The following STAB2 variants were observed in gnomAD, a reference collection of about 807,000 sequenced individuals.
The protein encoded by STAB2 is stabilin-2.
Under a neutral mutation model 338.1 loss-of-function variants are expected in STAB2, and 288 were observed. The ratio of observed to expected loss-of-function variants is 0.85; its 90% CI spans 0.77 to 0.94. The LOEUF is 0.94. Ranked by LOEUF, STAB2 falls within the 40% of genes least tolerant of loss-of-function variation. The pLI, the probability that STAB2 is intolerant of heterozygous loss-of-function variation, is 0.00. For synonymous variants in STAB2, 1,202 were observed against 1,193.3 expected (o/e 1.01, Z -0.15); for missense variants, 3,141 against 3,210.1 (o/e 0.98, Z 0.52).
intron 5 of STAB2, among the ~76,000 whole-genome samples, chr12:103,630,645 A>G (rs928217831): frequency 6.6e-6 from 1 of 152,244 alleles, no homozygotes; most frequent in Non-Finnish European, 1.5e-5. Context: ...TGAGAAAGAC[A>G]GAAGAGAGAA....
At chr12:103,734,056 A>G (rs1027031849) in intron 51 of STAB2, among the ~76,000 whole-genome samples, 13 of 151,346 alleles carry the variant, frequency 8.6e-5, no homozygotes, top group African/African-American at 2.9e-4. Flanking sequence ...GGGAGCAAGC[A>G]CGATCATATG....
intron 52 of STAB2, 143 bp downstream of exon 52, chr12:103,735,723 G>A: frequency 1.5e-6 from 1 of 686,756 alleles, no homozygotes; most frequent in Non-Finnish European, 2.3e-6. Flanking sequence ...TACCTTCAGA[G>A]GTATTTTTCC....
rs770585108 is a variant in STAB2, at chr12:103,704,624, TTGTC to T, written c.3900+14_3900+17del. 4.3e-6 allele frequency: 7 copies of T among 1,613,064 alleles called. No individual in the cohort carries two copies. The Middle Eastern group carries it at 6.6e-4, about 152-fold the overall frequency. Reference sequence around the variant, plus strand: ...CGGAACTAAATCTCTAGTAAGTACTTTGTCTGTTTTGATAAAATAGTTTCCAGAT... The same window carrying T: ...CGGAACTAAATCTCTAGTAAGTACTTTGTTTTGATAAAATAGTTTCCAGAT... On this transcript the variant is annotated intron_variant, in intron 36 of 68. Coordinates refer to ENST00000388887, the MANE Select transcript of STAB2 (RefSeq NM_017564.10).
intron 67 of STAB2, 133 bp downstream of exon 67, chr12:103,762,535 GC>G (rs1314858163): frequency 1.5e-5 from 21 of 1,387,212 alleles, no homozygotes; most frequent in Non-Finnish European, 2.0e-5. Context: ...AGCAGGGGCG[GC>G]CACCCACCCC....
intron 63 of STAB2, among the ~76,000 whole-genome samples, chr12:103,756,967 C>A: frequency 7.1e-6 from 1 of 140,326 alleles, no homozygotes; most frequent in African/African-American, 2.6e-5. Flanking sequence ...CCTACCTTCT[C>A]TGGGCCTCAG....
chr12:103,646,129 C>T (rs778376073), intron 9 of STAB2, among the ~76,000 whole-genome samples: 5 of 152,034 alleles, frequency 3.3e-5, no homozygotes, highest in African/African-American at 7.2e-5. Context: ...GCTGAGATCA[C>T]GCCATTGCAC....
chr12:103,660,342 G>A lies in STAB2; in HGVS notation c.1746G>A (p.Lys582=). 6.2e-7 allele frequency: 1 copy of A among 1,614,200 alleles called. No homozygotes were observed. The highest frequency in any genetic ancestry group is 1.3e-5 in the African/African-American group (1 of 75,054). ...DYLLSPEGSR[K]LLELVRYHIV... ...TGGTTCCTTTGCAGGGATCTCGGAA[G>A]CTTCTGGAACTCGTCAGATACCACA... The change falls in exon 16 of 69, where the codon AAG becomes AAA. Residue 582 remains lysine (K), a synonymous_variant. Transcript: ENST00000388887.
intron 52 of STAB2, 22 bp downstream of exon 52, chr12:103,735,602 G>A (rs763790344): frequency 1.1e-5 from 16 of 1,458,742 alleles, no homozygotes; most frequent in Admixed American, 5.5e-5. Context: ...CATGAAGGGT[G>A]GGCAGGGAGG....
intron 2 of STAB2, among the ~76,000 whole-genome samples, chr12:103,593,398 T>C (rs992112272): frequency 6.6e-6 from 1 of 152,192 alleles, no homozygotes; most frequent in African/African-American, 2.4e-5. Flanking sequence ...ATTGTGGTTT[T>C]GATTTGCCTT....
At position 103,627,262 on chromosome 12, in the gene STAB2, G is replaced by A. The variant is rs186662726; in HGVS notation, c.488-4336G>A. On this transcript the variant is annotated intron_variant, in intron 5 of 68. Transcript: ENST00000388887. ...ATACATTACACACCAGACAGGTGAA[G>A]TGGATCCTAAGAGTGATGAGATTAG... Among the ~76,000 whole-genome samples the A allele has an allele frequency of 2.0e-4, 31 of 152,332 alleles. 1 individual carries two copies. The East Asian group carries it at 4.1e-3, about 20-fold the overall frequency.
chr12:103,607,721 C>G (rs150900041), intron 3 of STAB2, among the ~76,000 whole-genome samples: 2 of 152,108 alleles, frequency 1.3e-5, no homozygotes, highest in East Asian at 3.9e-4. Context: ...TGAACTCATC[C>G]TTTTTTATCG....
In STAB2 at chr12:103,690,417, GT is replaced by G; in HGVS notation, c.3183-4del. On this transcript the variant is annotated splice_region_variant and splice_polypyrimidine_tract_variant and intron_variant, in intron 29 of 68. Coordinates refer to ENST00000388887, the MANE Select transcript of STAB2 (RefSeq NM_017564.10). ...TGAATTATAGCCTTTGTGGACTATT[GT>G]TTCAGGTACCATATGCTACTAGGCA... 6.2e-7 allele frequency: 1 copy of G among 1,608,064 alleles called. No individual in the cohort carries two copies. The highest frequency in any genetic ancestry group is 8.5e-7 in the Non-Finnish European group (1 of 1,175,486).
intron 24 of STAB2, 72 bp downstream of exon 24, chr12:103,676,093 GC>G: frequency 9.5e-7 from 1 of 1,057,462 alleles, no homozygotes; most frequent in South Asian, 1.7e-5. Flanking sequence ...ACAGAGTCTC[GC>G]TCTGTCGCCC....
At position 103,753,223 on chromosome 12, in the gene STAB2, C is replaced by A. The variant is rs1364211074; in HGVS notation, c.6584C>A (p.Thr2195Asn). Reference sequence around the variant, plus strand: ...ATTCCTCCTCTTCCTCATCCAGATACCACTGTTGGGGTGTTCCATCTACGC... The same window carrying A: ...ATTCCTCCTCTTCCTCATCCAGATAACACTGTTGGGGTGTTCCATCTACGC... Reference protein sequence around the residue: ...AKCVDLHFQDTTVGVFHLRSP... With the variant: ...AKCVDLHFQDNTVGVFHLRSP... Residue 2195 changes from threonine (T) to asparagine (N), a missense_variant, in exon 61 of 69, where the codon ACC becomes AAC. Thr to Asn is a moderately conservative substitution (Grantham distance 65). Coordinates refer to ENST00000388887, the MANE Select transcript of STAB2 (RefSeq NM_017564.10). The A allele has an allele frequency of 6.2e-7, 1 of 1,614,134 alleles. No homozygotes were observed. Among genetic ancestry groups the A allele is most frequent in the Non-Finnish European group, 8.5e-7 (1 of 1,179,982 alleles).
intron 68 of STAB2, chr12:103,765,993 C>T (rs778807754): frequency 6.7e-5 from 36 of 538,882 alleles, no homozygotes; most frequent in African/African-American, 6.4e-4. Flanking sequence ...TTTAATCCTC[C>T]TACCTCCCTG....
intron 3 of STAB2, among the ~76,000 whole-genome samples, chr12:103,595,865 G>A (rs928241373): frequency 6.6e-6 from 1 of 152,152 alleles, no homozygotes; most frequent in African/African-American, 2.4e-5. Flanking sequence ...AAAAAGCAGG[G>A]CCTCAAAATG....
chr12:103,655,343 TG>T, intron 14 of STAB2, 36 bp downstream of exon 14: 1 of 1,605,568 alleles, frequency 6.2e-7, no homozygotes, highest in Non-Finnish European at 8.5e-7. Flanking sequence ...AAAATATTTA[TG>T]TCAAGACTTT....
At chr12:103,655,055 C>T (rs1400053316) in intron 13 of STAB2, among the ~76,000 whole-genome samples, 196 bp from the exon 14 acceptor site, 18 of 152,188 alleles carry the variant, frequency 1.2e-4, no homozygotes, top group Admixed American at 1.2e-3. Flanking sequence ...CCAAAGGATA[C>T]TTCAGAACAT....
intron 29 of STAB2, 100 bp downstream of exon 29, chr12:103,690,082 C>T (rs546546293): frequency 4.6e-5 from 68 of 1,484,214 alleles, no homozygotes; most frequent in Admixed American, 2.4e-4. Flanking sequence ...CCTTCAAATT[C>T]GTGGAGCTGA....
Sources: gnomAD v4.1 joint callset for allele counts (sites outside exome capture counted in the v4.1 genomes callset) on GRCh38, gnomAD v4.1.1 for gene constraint, MANE v1.5 for transcripts, NCBI Gene and HGNC (gene_info 2026-07-23, HGNC 2026-07-21) for gene names.